CAPZB: variants seen among roughly 807,000 people sequenced by gnomAD.
CAPZB encodes F-actin-capping protein subunit beta.
Under a neutral mutation model 38.1 loss-of-function variants are expected in CAPZB, and 2 were observed. That is an observed-to-expected ratio of 0.05 (90% CI 0.02 to 0.17). The LOEUF (loss-of-function observed/expected upper bound fraction) is 0.17. Ranked by LOEUF, CAPZB falls within the 10% of genes least tolerant of loss-of-function variation. The pLI, the probability that CAPZB is intolerant of heterozygous loss-of-function variation, is 1.00. For missense variants in CAPZB, 161 were observed against 334.2 expected, an observed-to-expected ratio of 0.48 and a Z score of 4.04; for synonymous variants, 107 against 127.4, an observed-to-expected ratio of 0.84 and a Z score of 1.08.
At chr1:19,449,374 C>G (rs950802367) in intron 1 of CAPZB, 1 of 1,005,392 alleles carries the variant, frequency 9.9e-7, no homozygotes, top group African/African-American at 1.7e-5. Context: ...GACCTTGTCT[C>G]TATGCCATCC....
chr1:19,387,782 A>T (rs562104645), intron 2 of CAPZB, among the ~76,000 whole-genome samples: 1 of 152,360 alleles, frequency 6.6e-6, no homozygotes, highest in Non-Finnish European at 1.5e-5. Context: ...TAATAAAACC[A>T]ACCCATCTGG....
At chr1:19,394,648 G>A (rs1327078177) in intron 2 of CAPZB, among the ~76,000 whole-genome samples, 1 of 152,138 alleles carries the variant, frequency 6.6e-6, no homozygotes, top group African/African-American at 2.4e-5. Flanking sequence ...TCCAGGAGGC[G>A]GAGGTTGCAG....
At chr1:19,388,113 G>A (rs958936939) in intron 2 of CAPZB, among the ~76,000 whole-genome samples, 2 of 152,168 alleles carry the variant, frequency 1.3e-5, no homozygotes, top group African/African-American at 2.4e-5. Context: ...TCCCCTCAAC[G>A]TAGGAAAGCT....
chr1:19,391,817 C>A (rs1392670549), intron 2 of CAPZB, among the ~76,000 whole-genome samples: 3 of 152,194 alleles, frequency 2.0e-5, no homozygotes, highest in Non-Finnish European at 4.4e-5. Context: ...GGTGCAAGGG[C>A]TCAGCACGGG....
intron 4 of CAPZB, among the ~76,000 whole-genome samples, chr1:19,377,198 T>C (rs967014438): frequency 3.9e-5 from 6 of 152,232 alleles, no homozygotes; most frequent in African/African-American, 1.2e-4. Flanking sequence ...CATAGAGCAA[T>C]GAGTCAGCTT....
At chr1:19,341,239 C>A (rs1449066618) in intron 8 of CAPZB, among the ~76,000 whole-genome samples, 1 of 152,216 alleles carries the variant, frequency 6.6e-6, no homozygotes. Flanking sequence ...CGGCCAAAGG[C>A]ATCAGCCCCC....
chr1:19,428,892 C>A (rs1336011517), intron 1 of CAPZB, among the ~76,000 whole-genome samples: 8 of 152,152 alleles, frequency 5.3e-5, no homozygotes, highest in Non-Finnish European at 7.4e-5. Flanking sequence ...GAAAGAACTA[C>A]ACCATCCTCC....
At chr1:19,359,209 T>C (rs2094038723) in intron 4 of CAPZB, among the ~76,000 whole-genome samples, 2 of 111,930 alleles carry the variant, frequency 1.8e-5, no homozygotes, top group Admixed American at 1.0e-4. Context: ...TTCTCTGTAC[T>C]CTTTTTTTTT....
At chr1:19,438,578 G>A (rs973448473) in intron 1 of CAPZB, among the ~76,000 whole-genome samples, 1 of 152,140 alleles carries the variant, frequency 6.6e-6, no homozygotes, top group African/African-American at 2.4e-5. Context: ...GACCAATGAG[G>A]CTTCCCGCCA....
rs202179885 is a variant in CAPZB at position 19,366,131 on chromosome 1, TAGC to T, written c.330-8571_330-8569del. Among the ~76,000 whole-genome samples the T allele has an allele frequency of 7.5e-3, 1,139 of 151,464 alleles. 10 individuals carry two copies. The highest frequency in any genetic ancestry group is 0.013 in the Non-Finnish European group (870 of 67,916). ...CTGCTTCTGGGATCTCACCAAGGAG[TAGC>T]AGCAAGACTTGGGACAAATAAGTGG... On this transcript the variant is annotated intron_variant, in intron 4 of 8. Coordinates refer to ENST00000264202, the MANE Select transcript of CAPZB (RefSeq NM_004930.5).
intron 1 of CAPZB, among the ~76,000 whole-genome samples, chr1:19,422,161 A>G (rs1157671092): frequency 1.3e-5 from 2 of 152,216 alleles, no homozygotes; most frequent in African/African-American, 4.8e-5. Context: ...ACACATACAC[A>G]CACACCTCCA....
intron 1 of CAPZB, among the ~76,000 whole-genome samples, chr1:19,470,031 G>A (rs1461111768): frequency 1.3e-5 from 2 of 152,060 alleles, no homozygotes; most frequent in Non-Finnish European, 2.9e-5. Context: ...ACCAGACTGG[G>A]CAACACGGTG....
chr1:19,470,062 A>C (rs773538478), intron 1 of CAPZB, among the ~76,000 whole-genome samples: 2 of 152,142 alleles, frequency 1.3e-5, no homozygotes, highest in Non-Finnish European at 2.9e-5. Flanking sequence ...TCTACAAAAA[A>C]TACAAAAATT....
intron 2 of CAPZB, among the ~76,000 whole-genome samples, chr1:19,406,007 C>T (rs1347404511): frequency 6.6e-6 from 1 of 152,218 alleles, no homozygotes; most frequent in Non-Finnish European, 1.5e-5. Flanking sequence ...GGCTGGCCAG[C>T]CCCTTGGCAA....
intron 1 of CAPZB, among the ~76,000 whole-genome samples, chr1:19,482,842 G>A (rs969122518): frequency 2.0e-5 from 3 of 151,856 alleles, no homozygotes; most frequent in Non-Finnish European, 1.5e-5. Flanking sequence ...TCTGTCCTAC[G>A]CCAACCATCT....
At chr1:19,429,734 A>G (rs1489009842) in intron 1 of CAPZB, among the ~76,000 whole-genome samples, 2 of 152,160 alleles carry the variant, frequency 1.3e-5, no homozygotes, top group African/African-American at 4.8e-5. Context: ...CTCACTTGAC[A>G]CAGGTTTTCC....
intron 2 of CAPZB, among the ~76,000 whole-genome samples, chr1:19,409,299 G>A (rs12403329): frequency 1.3e-5 from 2 of 151,780 alleles, no homozygotes; most frequent in Admixed American, 1.3e-4. Flanking sequence ...CAAGGTGAGG[G>A]GATCCACTTC....
At position 19,357,437 on chromosome 1, in the gene CAPZB, G is replaced by A. The variant is rs1018089789; in HGVS notation, c.456C>T (p.His152=). ...KKIKGCWDSI[H]VVEVQEKSSG... ...GAGGCAGTACCTGCACTTCTACCACGTGGATGGAATCCCAGCAGCCTTTGA... is the reference window on the plus strand; with the variant it reads ...GAGGCAGTACCTGCACTTCTACCACATGGATGGAATCCCAGCAGCCTTTGA... The change falls in exon 5 of 9, where the codon CAC becomes CAT. Residue 152 remains histidine, a synonymous_variant. Coordinates refer to ENST00000264202, the MANE Select transcript of CAPZB (RefSeq NM_004930.5). This position sits in a 1 kb window ranked among gnomAD's most constrained non-coding sequence, Gnocchi z 4.3. The A allele has an allele frequency of 6.2e-6, 10 of 1,613,864 alleles. No homozygotes were observed. Among genetic ancestry groups the A allele is most frequent in the South Asian group, 3.3e-5 (3 of 91,082 alleles).
chr1:19,435,745 G>A (rs2094456161), intron 1 of CAPZB, among the ~76,000 whole-genome samples: 1 of 152,162 alleles, frequency 6.6e-6, no homozygotes, highest in African/African-American at 2.4e-5. Context: ...CAGAGCTGGG[G>A]TTCAAAGGCA....
Sources: gnomAD v4.1 joint callset for allele counts (sites outside exome capture counted in the v4.1 genomes callset) on GRCh38, gnomAD v4.1.1 for gene constraint, Gnocchi (gnomAD v3.1) non-coding constraint, MANE v1.5 for transcripts, NCBI Gene and HGNC (gene_info 2026-07-23, HGNC 2026-07-21) for gene names.